Variants in KRT7 observed in about 807,000 individuals in gnomAD.
KRT7 encodes the protein keratin, type II cytoskeletal 7.
In KRT7, 50 loss-of-function variants were observed where a neutral mutation model predicts 42.8. The observed-to-expected ratio is 1.17, with a 90% CI of 0.93 to 1.48. KRT7 has a LOEUF of 1.48. Among genes scored for constraint, KRT7 ranks in the 40% most tolerant of loss-of-function variants. KRT7 has a pLI of 0.00. For synonymous variants in KRT7, 268 were observed against 266.3 expected (o/e 1.01, Z -0.06); for missense variants, 588 against 637.6 (o/e 0.92, Z 0.84).
At chr12:52,235,443 C>A (rs1453208275) in intron 2 of KRT7, 77 bp downstream of exon 2, 2 of 1,271,394 alleles carry the variant, frequency 1.6e-6, no homozygotes, top group Non-Finnish European at 2.2e-6. Context: ...CTGTGCAAGT[C>A]CCCCTGCTTC....
At chr12:52,248,365 T>G (rs1276714463) in intron 8 of KRT7, among the ~76,000 whole-genome samples, 154 bp downstream of exon 8, 1 of 152,160 alleles carries the variant, frequency 6.6e-6, no homozygotes, top group Non-Finnish European at 1.5e-5. Context: ...GAGCACATAC[T>G]GCCAGGCTCA....
chr12:52,251,186 G>T (rs2608011), downstream of KRT7, among the ~76,000 whole-genome samples: 37,189 of 151,778 alleles, frequency 0.25, 5,299 homozygotes, highest in East Asian at 0.58. Flanking sequence ...CACCATGTTG[G>T]CCAGGCTGAT....
downstream of KRT7, chr12:52,250,541 G>A (rs1290567847): frequency 1.2e-5 from 13 of 1,123,458 alleles, no homozygotes; most frequent in East Asian, 2.6e-4. Flanking sequence ...TCACCGCCAC[G>A]TTCCCGCTGC....
At chr12:52,235,632 TC>T (rs1026891014) in intron 2 of KRT7, among the ~76,000 whole-genome samples, 8 of 152,226 alleles carry the variant, frequency 5.3e-5, no homozygotes, top group Admixed American at 4.6e-4. Flanking sequence ...CTGCACTGTC[TC>T]CTTTGGGTGT....
chr12:52,241,139 T>C (rs552442692), intron 4 of KRT7, among the ~76,000 whole-genome samples: 140 of 152,250 alleles, frequency 9.2e-4, no homozygotes, highest in Non-Finnish European at 1.7e-3. Context: ...GATAATTTCA[T>C]CCATTCCCCA....
chr12:52,240,157 A>G (rs939561627), intron 4 of KRT7, among the ~76,000 whole-genome samples: 5 of 119,734 alleles, frequency 4.2e-5, no homozygotes, highest in African/African-American at 1.6e-4. Flanking sequence ...GTAAACACAC[A>G]TGTGTACACA....
At chr12:52,245,139 C>A in intron 6 of KRT7, 1 of 548,934 alleles carries the variant, frequency 1.8e-6, no homozygotes, top group Non-Finnish European at 3.2e-6. Context: ...TCCTCAAAAT[C>A]TCCTGATGTT....
intron 1 of KRT7, among the ~76,000 whole-genome samples, chr12:52,233,994 T>C (rs1258539051): frequency 1.3e-5 from 2 of 152,098 alleles, no homozygotes; most frequent in Non-Finnish European, 2.9e-5. Context: ...ACCCTTTCCC[T>C]GAGAGAGGAC....
At chr12:52,239,026 C>T (rs1465503145) in intron 4 of KRT7, among the ~76,000 whole-genome samples, 1 of 152,250 alleles carries the variant, frequency 6.6e-6, no homozygotes, top group Non-Finnish European at 1.5e-5. Flanking sequence ...AATTTATCCT[C>T]TAGTGCACAG....
At chr12:52,254,305 G>T, downstream of KRT7, 1 of 986,228 alleles carries the variant, frequency 1.0e-6, no homozygotes, top group Non-Finnish European at 1.6e-6. Flanking sequence ...CGATCTCCTG[G>T]GTCAGGGCCT....
intron 2 of KRT7, 52 bp from the exon 3 acceptor site, chr12:52,237,457 A>G (rs1592389568): frequency 1.5e-6 from 2 of 1,330,674 alleles, no homozygotes; most frequent in South Asian, 1.3e-5. Flanking sequence ...CGGAGGGGGG[A>G]CGGGAGCATG....
In KRT7 at chr12:52,248,735, C is replaced by T; in HGVS notation, c.1385C>T (p.Ala462Val). The T allele has an allele frequency of 1.3e-6, 2 of 1,593,036 alleles. No homozygotes were observed. Among genetic ancestry groups the T allele is most frequent in the Non-Finnish European group, 1.7e-6 (2 of 1,170,732 alleles). The change falls in exon 9 of 9, where the codon GCC (alanine) becomes GTC (valine). Residue 462 changes from alanine (A) to valine (V), a missense_variant. By Grantham distance (64) the Ala-to-Val change is moderately conservative. Coordinates refer to ENST00000331817, the MANE Select transcript of KRT7 (RefSeq NM_005556.4). The part of the protein sequence containing the change: ...LKAYSIRTAS[A>V]SRRSARD ...GCTTATTCCATCCGGACCGCATCCG[C>T]CAGTCGCAGGAGTGCCCGCGACTGA...
At chr12:52,242,931 G>A in intron 5 of KRT7, 81 bp from the exon 6 acceptor site, 4 of 1,454,106 alleles carry the variant, frequency 2.8e-6, no homozygotes, top group South Asian at 1.4e-5. Context: ...AAGTTGGGAG[G>A]GGCCTTGGGT....
chr12:52,241,917 C>T (rs1942098223), intron 5 of KRT7: 1 of 226,712 alleles, frequency 4.4e-6, no homozygotes, highest in Non-Finnish European at 8.5e-6. Context: ...ACAGAACAGC[C>T]CTATTAGATA....
chr12:52,241,303 C>T (rs1942084667), intron 4 of KRT7, among the ~76,000 whole-genome samples, 169 bp from the exon 5 acceptor site: 1 of 152,158 alleles, frequency 6.6e-6, no homozygotes, highest in African/African-American at 2.4e-5. Context: ...CAAGGGTGGG[C>T]AGAATGAAGT....
chr12:52,252,848 C>G (rs1942287187), downstream of KRT7, among the ~76,000 whole-genome samples: 1 of 152,130 alleles, frequency 6.6e-6, no homozygotes, highest in Non-Finnish European at 1.5e-5. Flanking sequence ...ATTTACTAAC[C>G]CCATTGATGT....
Position 52,241,516 on chromosome 12 carries a change from G to A in KRT7, c.738G>A (p.Val246=), listed in dbSNP as rs759725180. 1 of 1,613,874 alleles carries A rather than the reference G, an allele frequency of 6.2e-7. No homozygotes were observed. The highest frequency in any genetic ancestry group is 8.5e-7 in the Non-Finnish European group (1 of 1,179,854). ...CCCAGATCTCCGACACATCTGTGGT[G>A]CTGTCCATGGACAACAGTCGCTCCC... ...LQSQISDTSV[V]LSMDNSRSLD... The change falls in exon 5 of 9, where the codon GTG becomes GTA. Residue 246 remains valine (V), a synonymous_variant. Coordinates refer to ENST00000331817, the MANE Select transcript of KRT7 (RefSeq NM_005556.4).
At chr12:52,251,005 A>G (rs1785175911), downstream of KRT7, among the ~76,000 whole-genome samples, 1 of 152,096 alleles carries the variant, frequency 6.6e-6, no homozygotes, top group Non-Finnish European at 1.5e-5. Flanking sequence ...TTTGAGACGG[A>G]GTCTCTCTCT....
intron 6 of KRT7, chr12:52,244,322 T>G (rs1942137974): frequency 2.0e-6 from 2 of 985,442 alleles, no homozygotes; most frequent in African/African-American, 1.7e-5. Context: ...AATGGTGGTT[T>G]CCCAAACCCT....
Sources: gnomAD v4.1 joint callset for allele counts (sites outside exome capture counted in the v4.1 genomes callset) on GRCh38, gnomAD v4.1.1 for gene constraint, MANE v1.5 for transcripts, NCBI Gene and HGNC (gene_info 2026-07-23, HGNC 2026-07-21) for gene names.